Variants in GALNTL5 observed in about 807,000 individuals in gnomAD.
GALNTL5 encodes the protein inactive polypeptide N-acetylgalactosaminyltransferase-like protein 5.
In GALNTL5, 44 loss-of-function variants were observed where a neutral mutation model predicts 51.0. The ratio of observed to expected loss-of-function variants is 0.86; its 90% CI spans 0.68 to 1.11. The LOEUF (loss-of-function observed/expected upper bound fraction) is 1.11. GALNTL5 is among the 50% of genes least tolerant of loss of function. The pLI is 0.00. For missense variants in GALNTL5, 528 were observed against 531.8 expected (o/e 0.99, Z 0.07); for synonymous variants, 192 against 182.8 (o/e 1.05, Z -0.41).
chr7:151,997,955 G>C (rs931759107), intron 5 of GALNTL5, among the ~76,000 whole-genome samples: 69 of 151,856 alleles, frequency 4.5e-4, no homozygotes, highest in African/African-American at 1.6e-3. Flanking sequence ...TAATCCTAGC[G>C]CTTTAGGAGG....
chr7:152,009,260 T>G (rs527569137), intron 7 of GALNTL5, among the ~76,000 whole-genome samples: 1 of 152,164 alleles, frequency 6.6e-6, no homozygotes, highest in African/African-American at 2.4e-5. Flanking sequence ...TACTCCTCAT[T>G]CCAGTAAATC....
Position 152,019,792 on chromosome 7 carries a change from C to T in GALNTL5, c.1323C>T (p.Asn441=), listed in dbSNP as rs575472348. 6.2e-5 allele frequency: 100 copies of T among 1,610,510 alleles called. No individual in the cohort carries two copies. Among genetic ancestry groups the T allele is most frequent in the Non-Finnish European group, 8.1e-5 (95 of 1,178,078 alleles). The change falls in exon 9 of 9, where the codon AAC becomes AAT. Residue 441 remains asparagine, a synonymous_variant. Coordinates refer to ENST00000392800, the MANE Select transcript of GALNTL5 (RefSeq NM_145292.4). Reference sequence around the variant, plus strand: ...TCCCAGAGTTGGAGGCATCTGTGAACAGCCTGTGAAAGGAAAACAAATCAC... The same window carrying T: ...TCCCAGAGTTGGAGGCATCTGTGAATAGCCTGTGAAAGGAAAACAAATCAC... ...NVFPELEASV[N]SL
chr7:152,016,494 C>G (rs994386246), intron 8 of GALNTL5, among the ~76,000 whole-genome samples: 1 of 151,794 alleles, frequency 6.6e-6, no homozygotes, highest in Non-Finnish European at 1.5e-5. Flanking sequence ...TTGACTTTTA[C>G]AAAATTACAT....
intron 5 of GALNTL5, among the ~76,000 whole-genome samples, chr7:151,987,642 C>T (rs1299749261): frequency 1.3e-5 from 2 of 151,816 alleles, no homozygotes; most frequent in Non-Finnish European, 2.9e-5. Context: ...GAGGGAGCTG[C>T]AGCGCTCATC....
chr7:152,007,213 C>G (rs1016640844), intron 6 of GALNTL5, among the ~76,000 whole-genome samples: 4 of 152,140 alleles, frequency 2.6e-5, no homozygotes, highest in Admixed American at 6.5e-5. Context: ...CTGAGCCCTG[C>G]TACCCAGTTC....
intron 5 of GALNTL5, among the ~76,000 whole-genome samples, chr7:151,996,069 A>T (rs1199744720): frequency 1.3e-5 from 2 of 152,168 alleles, no homozygotes; most frequent in Non-Finnish European, 2.9e-5. Context: ...CAAAATCCAG[A>T]TGGCTAGGTT....
At chr7:151,991,185 C>T (rs565885685) in intron 5 of GALNTL5, among the ~76,000 whole-genome samples, 23 of 152,144 alleles carry the variant, frequency 1.5e-4, no homozygotes, top group Non-Finnish European at 2.4e-4. Flanking sequence ...CTCAGCCTCC[C>T]GGGTTCAAGT....
chr7:152,010,693 G>A (rs1306648721), intron 7 of GALNTL5, among the ~76,000 whole-genome samples: 1 of 151,910 alleles, frequency 6.6e-6, no homozygotes, highest in East Asian at 2.0e-4. Context: ...GCTTGAACCT[G>A]GGAGGTGGAG....
At chr7:151,964,337 T>A (rs1373190264) in intron 1 of GALNTL5, among the ~76,000 whole-genome samples, 1 of 152,172 alleles carries the variant, frequency 6.6e-6, no homozygotes, top group Non-Finnish European at 1.5e-5. Flanking sequence ...CAGCATTCGA[T>A]TCTGATATGG....
At chr7:152,006,785 G>C (rs891756183) in intron 6 of GALNTL5, among the ~76,000 whole-genome samples, 2 of 151,870 alleles carry the variant, frequency 1.3e-5, no homozygotes, top group Admixed American at 6.6e-5. Context: ...TTTTTTTTGG[G>C]GGGGGCGGGA....
At chr7:151,985,220 C>T (rs2081346079) in intron 4 of GALNTL5, among the ~76,000 whole-genome samples, 1 of 152,146 alleles carries the variant, frequency 6.6e-6, no homozygotes, top group Non-Finnish European at 1.5e-5. Flanking sequence ...GGTGGGGACA[C>T]AAACATACCG....
intron 5 of GALNTL5, among the ~76,000 whole-genome samples, chr7:151,990,593 G>T (rs200074195): frequency 4.1e-5 from 2 of 48,488 alleles, no homozygotes; most frequent in Admixed American, 2.1e-4. Context: ...AAAAAAAAAA[G>T]CCCACTTTCT....
chr7:151,985,310 C>T (rs1240448295), intron 4 of GALNTL5, among the ~76,000 whole-genome samples: 2 of 152,166 alleles, frequency 1.3e-5, no homozygotes, highest in African/African-American at 4.8e-5. Flanking sequence ...GTCGCTGCTG[C>T]CAACATGTGG....
intron 5 of GALNTL5, among the ~76,000 whole-genome samples, chr7:151,996,815 T>G (rs527733218): frequency 1.3e-5 from 2 of 149,914 alleles, no homozygotes; most frequent in East Asian, 4.0e-4. Context: ...GAAAAAATAT[T>G]TTTAAGATTT....
chr7:151,993,715 G>C (rs1011375918), intron 5 of GALNTL5, among the ~76,000 whole-genome samples: 120 of 151,952 alleles, frequency 7.9e-4, no homozygotes, highest in Non-Finnish European at 1.5e-4. Context: ...GAACTCCTGG[G>C]GTCAAGTGAT....
At chr7:151,956,748 G>A (rs549774314) in intron 1 of GALNTL5, 139 bp downstream of exon 1, 1 of 152,166 alleles carries the variant, frequency 6.6e-6, no homozygotes, top group Admixed American at 6.5e-5. Context: ...GGTTTAAGAA[G>A]ATTTATTTTA....
At chr7:151,962,819 GTCTGGTCTCGAAC>G (rs2081008575) in intron 1 of GALNTL5, among the ~76,000 whole-genome samples, 1 of 152,030 alleles carries the variant, frequency 6.6e-6, no homozygotes, top group African/African-American at 2.4e-5. Context: ...ATGTTGGCCA[GTCTGGTCTCGAAC>G]TCCTGACCTC....
At chr7:151,994,148 C>T (rs2151952491) in intron 5 of GALNTL5, among the ~76,000 whole-genome samples, 1 of 152,314 alleles carries the variant, frequency 6.6e-6, no homozygotes, top group African/African-American at 2.4e-5. Flanking sequence ...CTGTTCCCTA[C>T]ACCCCCAAGT....
intron 5 of GALNTL5, among the ~76,000 whole-genome samples, chr7:151,996,610 G>A (rs555550137): frequency 2.0e-4 from 31 of 152,158 alleles, no homozygotes; most frequent in African/African-American, 6.0e-4. Context: ...TAAGCTAGGC[G>A]TGGTGGCCCG....
Sources: gnomAD v4.1 joint callset for allele counts (sites outside exome capture counted in the v4.1 genomes callset) on GRCh38, gnomAD v4.1.1 for gene constraint, MANE v1.5 for transcripts, NCBI Gene and HGNC (gene_info 2026-07-23, HGNC 2026-07-21) for gene names.